The following BLTP3A variants were observed in gnomAD, a reference collection of about 807,000 sequenced individuals.
BLTP3A encodes bridge-like lipid transfer protein family member 3A.
chr6:34,850,016 T>G, the BLTP3A span, among the ~76,000 whole-genome samples: 1 of 151,902 alleles, frequency 6.6e-6, no homozygotes, highest in African/African-American at 2.4e-5. Flanking sequence ...GGTGGTGCAT[T>G]CCTGTAATCC....
chr6:34,832,379 C>A, the BLTP3A span, among the ~76,000 whole-genome samples: 15 of 152,156 alleles, frequency 9.9e-5, no homozygotes, highest in African/African-American at 3.6e-4. Flanking sequence ...CTTTAGCCTC[C>A]CAAAGTGTTA....
chr6:34,872,021 G>A, the BLTP3A span: 1 of 1,218,426 alleles, frequency 8.2e-7, no homozygotes, highest in South Asian at 1.4e-5. Context: ...AAGGTTGCGT[G>A]TGCTGCCTGC....
chr6:34,802,928 C>T, the BLTP3A span, among the ~76,000 whole-genome samples: 1 of 152,040 alleles, frequency 6.6e-6, no homozygotes, highest in African/African-American at 2.4e-5. Context: ...ATAATCCTAG[C>T]CCTTTGGGAG....
chr6:34,851,959 A>G, the BLTP3A span, among the ~76,000 whole-genome samples: 3 of 152,132 alleles, frequency 2.0e-5, no homozygotes, highest in East Asian at 5.8e-4. Context: ...CTCAAGGCCC[A>G]AGAGCTCTTC....
chr6:34,859,573 T>A, the BLTP3A span: 1 of 1,613,480 alleles, frequency 6.2e-7, no homozygotes, highest in Non-Finnish European at 8.5e-7. Context: ...CCCAGCCAAG[T>A]AAGTGGCTCT....
At chr6:34,856,534 G>C in the BLTP3A span, 2 of 1,322,602 alleles carry the variant, frequency 1.5e-6, no homozygotes, top group East Asian at 4.9e-5. Context: ...AGACATCAGT[G>C]ACTTTTTTCT....
chr6:34,836,847 G>GA, the BLTP3A span, among the ~76,000 whole-genome samples: 1 of 152,118 alleles, frequency 6.6e-6, no homozygotes, highest in African/African-American at 2.4e-5. Flanking sequence ...GACATACTTA[G>GA]AACAACTGCC....
the BLTP3A span, among the ~76,000 whole-genome samples, chr6:34,838,068 A>G: frequency 6.6e-6 from 1 of 152,212 alleles, no homozygotes; most frequent in African/African-American, 2.4e-5. Flanking sequence ...CATTTATTAA[A>G]CTATATTGAT....
At chr6:34,843,397 G>A in the BLTP3A span, among the ~76,000 whole-genome samples, 1 of 151,914 alleles carries the variant, frequency 6.6e-6, no homozygotes, top group Non-Finnish European at 1.5e-5. Flanking sequence ...AGTTAATCAA[G>A]TGCTGAAAAA....
chr6:34,825,368 C>T, the BLTP3A span, among the ~76,000 whole-genome samples: 5 of 151,650 alleles, frequency 3.3e-5, no homozygotes, highest in African/African-American at 1.2e-4. Context: ...GGTGCAATGG[C>T]ATGATCTCCG....
the BLTP3A span, among the ~76,000 whole-genome samples, chr6:34,828,848 A>G: frequency 1.3e-5 from 2 of 151,838 alleles, no homozygotes; most frequent in Non-Finnish European, 1.5e-5. Flanking sequence ...GCCAACATGG[A>G]GAAACTCTAT....
At chr6:34,863,485 T>C in the BLTP3A span, among the ~76,000 whole-genome samples, 23 of 152,188 alleles carry the variant, frequency 1.5e-4, no homozygotes, top group Non-Finnish European at 2.8e-4. Context: ...AAGGACCACC[T>C]CAAATGTTAT....
At chr6:34,858,164 A>G in the BLTP3A span, 4 of 1,614,104 alleles carry the variant, frequency 2.5e-6, no homozygotes, top group South Asian at 1.1e-5. Context: ...GCAGAGTTGC[A>G]TCGTCCCCAG....
chr6:34,864,086 G>A, the BLTP3A span: 3 of 1,613,956 alleles, frequency 1.9e-6, no homozygotes, highest in Non-Finnish European at 2.5e-6. Flanking sequence ...CCATGAAGAG[G>A]ACGGTATCTC....
At chr6:34,870,831 C>G in the BLTP3A span, 1 of 1,610,784 alleles carries the variant, frequency 6.2e-7, no homozygotes. Context: ...AATTAGTTGT[C>G]TTCCTTGTCT....
At chr6:34,835,251 T>C in the BLTP3A span, 3 of 1,582,924 alleles carry the variant, frequency 1.9e-6, no homozygotes, top group Non-Finnish European at 2.6e-6. Flanking sequence ...AAAGTTGGAA[T>C]GATACGAGGT....
chr6:34,815,324 A>T, the BLTP3A span, among the ~76,000 whole-genome samples: 3 of 152,010 alleles, frequency 2.0e-5, no homozygotes, highest in Non-Finnish European at 4.4e-5. Context: ...ATCTCAGCTC[A>T]TTGCAACCTC....
At chr6:34,808,354 A>AAAAG in the BLTP3A span, among the ~76,000 whole-genome samples, 33 of 149,808 alleles carry the variant, frequency 2.2e-4, no homozygotes, top group African/African-American at 7.4e-4. Context: ...CTCAAAAAAA[A>AAAAG]AAAAAAAAAA....
the BLTP3A span, among the ~76,000 whole-genome samples, chr6:34,851,005 T>G: frequency 6.6e-6 from 1 of 152,096 alleles, no homozygotes; most frequent in Admixed American, 6.5e-5. Flanking sequence ...TCTGCTTGAT[T>G]TTTAGAAATT....
Sources: gnomAD v4.1 joint callset for allele counts (sites outside exome capture counted in the v4.1 genomes callset) on GRCh38, gnomAD v4.1.1 for gene constraint, MANE v1.5 for transcripts, NCBI Gene and HGNC (gene_info 2026-07-23, HGNC 2026-07-21) for gene names.